ZMIZ1: variants seen among roughly 807,000 people sequenced by gnomAD.
The protein encoded by ZMIZ1 is zinc finger MIZ-type containing 1, also known as zinc finger MIZ domain-containing protein 1.
A neutral mutation model predicts 113.9 loss-of-function variants in ZMIZ1; 17 were observed. That is an observed-to-expected ratio of 0.15 (90% CI 0.10 to 0.22). ZMIZ1 has a LOEUF of 0.22. ZMIZ1 is among the 10% of genes least tolerant of loss of function. The pLI is 1.00. For missense variants in ZMIZ1, 1,059 were observed against 1,477.8 expected, an observed-to-expected ratio of 0.72 and a Z score of 4.65; for synonymous variants, 607 against 603.1, an observed-to-expected ratio of 1.01 and a Z score of -0.09.
In ZMIZ1 at chr10:79,270,669, G is replaced by A. The variant is rs372973548; in HGVS notation, c.281-6512G>A. ...GGAGACGCTACAAAGACTAGCATAG[G>A]CAACAGGAGCATGAGGTCAACTGTC... On this transcript the variant is annotated intron_variant, in intron 7 of 24. Transcript: ENST00000334512. Among the ~76,000 whole-genome samples, 12 of 152,340 alleles carry A rather than the reference G, an allele frequency of 7.9e-5. No homozygotes were observed. In the South Asian group the frequency reaches 2.5e-3, roughly 32 times the overall value.
chr10:79,097,944 C>T (rs565546923), intron 1 of ZMIZ1, among the ~76,000 whole-genome samples: 1 of 152,170 alleles, frequency 6.6e-6, no homozygotes, highest in African/African-American at 2.4e-5. Context: ...CGTAGACGGG[C>T]AAAGCCTTTG....
chr10:79,093,925 G>A (rs533001606), intron 1 of ZMIZ1, among the ~76,000 whole-genome samples: 4 of 152,190 alleles, frequency 2.6e-5, no homozygotes, highest in Non-Finnish European at 4.4e-5. Flanking sequence ...TTATCAGCTC[G>A]AGCAAGTCGG....
chr10:79,198,184 G>A (rs569159624), intron 4 of ZMIZ1, among the ~76,000 whole-genome samples: 152 of 152,224 alleles, frequency 1.0e-3, no homozygotes, highest in African/African-American at 3.6e-3. Flanking sequence ...GCGTGAACCC[G>A]GGAGGCAGAG....
chr10:79,157,468 C>T (rs1475791753), intron 3 of ZMIZ1, among the ~76,000 whole-genome samples: 2 of 151,782 alleles, frequency 1.3e-5, no homozygotes, highest in South Asian at 4.2e-4. Flanking sequence ...GGCATTGGTG[C>T]CACAGAACCC....
intron 3 of ZMIZ1, among the ~76,000 whole-genome samples, chr10:79,143,760 C>T (rs1185105622): frequency 2.8e-5 from 3 of 106,344 alleles, no homozygotes; most frequent in African/African-American, 3.8e-5. Context: ...GGCCAGAGGC[C>T]GGGCAGGTGT....
chr10:79,212,671 C>T (rs528444352), intron 6 of ZMIZ1, among the ~76,000 whole-genome samples: 211 of 151,920 alleles, frequency 1.4e-3, no homozygotes, highest in Middle Eastern at 6.8e-3. Context: ...TAGGAGAATT[C>T]CTTGAACTCA....
chr10:79,289,242 A>G (rs1208885635), intron 8 of ZMIZ1, among the ~76,000 whole-genome samples: 2 of 152,238 alleles, frequency 1.3e-5, no homozygotes, highest in Non-Finnish European at 2.9e-5. Context: ...CTGGGAAGGA[A>G]GGGTGCCGGA....
intron 1 of ZMIZ1, among the ~76,000 whole-genome samples, chr10:79,111,116 C>T (rs1366523528): frequency 1.3e-5 from 2 of 152,244 alleles, no homozygotes; most frequent in African/African-American, 4.8e-5. Context: ...CACCTGTGGG[C>T]TTCCCAGTCT....
chr10:79,277,244 G>T lies in ZMIZ1; in HGVS notation c.344G>T (p.Arg115Leu), dbSNP rs758217814. ...RLLLLRHQKS[R>L]QSDPPGKLPM... ...CTGCTGCTCCGACATCAGAAGAGCC[G>T]CCAGAGCGATCCCCCTGGGAAACTC... Residue 115 changes from arginine to leucine, a missense_variant, in exon 8 of 25, where the codon CGC becomes CTC. Coordinates refer to ENST00000334512, the MANE Select transcript of ZMIZ1 (RefSeq NM_020338.4). 1.3e-6 allele frequency: 2 copies of T among 1,590,084 alleles called. No homozygotes were observed. Among genetic ancestry groups the T allele is most frequent in the East Asian group, 2.3e-5 (1 of 42,930 alleles).
chr10:79,149,616 G>A (rs917813297), intron 3 of ZMIZ1, among the ~76,000 whole-genome samples: 2 of 152,168 alleles, frequency 1.3e-5, no homozygotes, highest in African/African-American at 4.8e-5. Flanking sequence ...GGGGTGAAGG[G>A]GTCTTTCTCT....
chr10:79,073,164 ACT>A (rs1054133936), intron 1 of ZMIZ1, among the ~76,000 whole-genome samples: 1 of 151,864 alleles, frequency 6.6e-6, no homozygotes, highest in Non-Finnish European at 1.5e-5. Flanking sequence ...TGGGCCAGTA[ACT>A]CTCCTGTGCT....
chr10:79,201,735 G>A, intron 5 of ZMIZ1, 43 bp downstream of exon 5: 1 of 1,603,756 alleles, frequency 6.2e-7, no homozygotes, highest in Non-Finnish European at 8.5e-7. Context: ...GGGCAGATGG[G>A]GCGGGCTGCA....
chr10:79,306,420 C>G, intron 22 of ZMIZ1, 76 bp downstream of exon 22: 1 of 1,564,522 alleles, frequency 6.4e-7, no homozygotes, highest in Admixed American at 1.8e-5. Flanking sequence ...AATTTCTGTG[C>G]TGATGGTGGC....
intron 8 of ZMIZ1, among the ~76,000 whole-genome samples, chr10:79,279,170 GGCA>G (rs1852524219): frequency 6.6e-6 from 1 of 151,882 alleles, no homozygotes; most frequent in African/African-American, 2.4e-5. Flanking sequence ...TCCCGGACGG[GGCA>G]GCTGCCAGGG....
intron 9 of ZMIZ1, 71 bp downstream of exon 9, chr10:79,289,960 C>A: frequency 6.9e-7 from 1 of 1,452,914 alleles, no homozygotes; most frequent in Non-Finnish European, 9.6e-7. Context: ...TGGAGCCATA[C>A]CAGCCCTCTT....
intron 1 of ZMIZ1, among the ~76,000 whole-genome samples, chr10:79,111,626 A>G (rs1843742840): frequency 6.6e-6 from 1 of 152,160 alleles, no homozygotes; most frequent in Non-Finnish European, 1.5e-5. Context: ...GGCACCAGCT[A>G]CTCGGAGATC....
intron 4 of ZMIZ1, among the ~76,000 whole-genome samples, chr10:79,197,611 TACAC>T (rs71482719): frequency 1.5e-3 from 137 of 90,078 alleles, no homozygotes; most frequent in Middle Eastern, 5.2e-3. Flanking sequence ...CACACACACA[TACAC>T]ACACACACAC....
At chr10:79,266,204 G>A (rs1851592050) in intron 7 of ZMIZ1, among the ~76,000 whole-genome samples, 1 of 152,192 alleles carries the variant, frequency 6.6e-6, no homozygotes, top group Non-Finnish European at 1.5e-5. Context: ...CAAGAAGCTG[G>A]GGTTGGCACC....
intron 4 of ZMIZ1, 95 bp downstream of exon 4, chr10:79,162,228 A>T (rs1010352801): frequency 2.5e-6 from 1 of 397,724 alleles, no homozygotes; most frequent in East Asian, 3.6e-5. Flanking sequence ...TGGACCTTTG[A>T]CTCGGGCCTC....
Sources: allele counts gnomAD v4.1 joint callset (sites outside exome capture counted in the v4.1 genomes callset), GRCh38; gene constraint gnomAD v4.1.1; transcripts MANE v1.5; gene names NCBI Gene and HGNC (gene_info 2026-07-23, HGNC 2026-07-21).